The following ZNF148 variants were observed in gnomAD, a reference collection of about 807,000 sequenced individuals.
ZNF148 encodes the protein zinc finger protein 148.
A neutral mutation model predicts 67.7 loss-of-function variants in ZNF148; 7 were observed. That is an observed-to-expected ratio of 0.10 (90% confidence interval 0.06 to 0.19). The LOEUF (loss-of-function observed/expected upper bound fraction) is 0.19. Among genes scored for constraint, ZNF148 ranks in the 10% least tolerant of loss-of-function variants. The pLI is 1.00. For missense variants in ZNF148, 583 were observed against 947.1 expected, an observed-to-expected ratio of 0.62 and a Z score of 5.05; for synonymous variants, 333 against 330.7, an observed-to-expected ratio of 1.01 and a Z score of -0.08.
intron 4 of ZNF148, among the ~76,000 whole-genome samples, chr3:125,291,828 C>T (rs1939032217): frequency 6.6e-6 from 1 of 152,024 alleles, no homozygotes; most frequent in Admixed American, 6.6e-5. Context: ...GTAGTATACA[C>T]AGCCATATAA....
chr3:125,313,683 C>A, intron 3 of ZNF148, 27 bp from the exon 4 acceptor site: 1 of 1,548,868 alleles, frequency 6.5e-7, no homozygotes, highest in Admixed American at 1.9e-5. Flanking sequence ...GGCAACAAAA[C>A]ATAGTAAATT....
chr3:125,241,153 T>C (rs1479303852), intron 7 of ZNF148, among the ~76,000 whole-genome samples: 1 of 152,028 alleles, frequency 6.6e-6, no homozygotes, highest in Admixed American at 6.6e-5. Flanking sequence ...AGGATCCCTA[T>C]TTATGGATTA....
chr3:125,317,662 T>TATAGAGAGAG (rs752542874), intron 3 of ZNF148, among the ~76,000 whole-genome samples: 13 of 90,042 alleles, frequency 1.4e-4, no homozygotes, highest in African/African-American at 2.7e-4. Context: ...TATATATATA[T>TATAGAGAGAG]AGAGAGAGAG....
chr3:125,322,834 T>C (rs1431645976), intron 3 of ZNF148, among the ~76,000 whole-genome samples: 1 of 152,218 alleles, frequency 6.6e-6, no homozygotes, highest in Non-Finnish European at 1.5e-5. Context: ...TTCCTTATAT[T>C]AGTGCAGGCA....
chr3:125,373,298 C>G (rs930289927), intron 1 of ZNF148, among the ~76,000 whole-genome samples: 2 of 150,122 alleles, frequency 1.3e-5, no homozygotes, highest in African/African-American at 4.9e-5. Flanking sequence ...ACCATGTTGG[C>G]GAGGCTGATC....
At chr3:125,333,548 A>G (rs1482640793) in intron 1 of ZNF148, among the ~76,000 whole-genome samples, 1 of 152,180 alleles carries the variant, frequency 6.6e-6, no homozygotes, top group Non-Finnish European at 1.5e-5. Context: ...GGGGAAGAGA[A>G]CCTACTAAGA....
At chr3:125,342,704 AAC>A (rs994042858) in intron 1 of ZNF148, among the ~76,000 whole-genome samples, 3 of 152,226 alleles carry the variant, frequency 2.0e-5, no homozygotes, top group African/African-American at 7.2e-5. Flanking sequence ...TCAAAGAAGA[AAC>A]AACAGAAAGA....
chr3:125,285,790 A>T (rs1938624997), intron 5 of ZNF148, among the ~76,000 whole-genome samples: 1 of 152,150 alleles, frequency 6.6e-6, no homozygotes, highest in African/African-American at 2.4e-5. Flanking sequence ...ACATTCTCTT[A>T]TACGCACTAT....
chr3:125,334,762 A>T (rs756144855), intron 1 of ZNF148, among the ~76,000 whole-genome samples: 5 of 151,930 alleles, frequency 3.3e-5, no homozygotes, highest in Non-Finnish European at 7.4e-5. Flanking sequence ...CCTTACATGC[A>T]CTCCTGTGCT....
intron 7 of ZNF148, among the ~76,000 whole-genome samples, chr3:125,253,765 T>C (rs904581418): frequency 6.6e-6 from 1 of 152,212 alleles, no homozygotes; most frequent in Non-Finnish European, 1.5e-5. Flanking sequence ...ACTTGAAAAG[T>C]TGATGTTGTC....
intron 7 of ZNF148, among the ~76,000 whole-genome samples, chr3:125,254,590 C>T (rs535470656): frequency 6.6e-6 from 1 of 152,294 alleles, no homozygotes; most frequent in South Asian, 2.1e-4. Flanking sequence ...AACCCTTTAT[C>T]ATTATTAAAT....
At chr3:125,280,440 G>A (rs1938315449) in intron 5 of ZNF148, among the ~76,000 whole-genome samples, 1 of 152,092 alleles carries the variant, frequency 6.6e-6, no homozygotes, top group Non-Finnish European at 1.5e-5. Context: ...CCAGCACTTT[G>A]GGTGGCTGAG....
intron 2 of ZNF148, among the ~76,000 whole-genome samples, chr3:125,327,721 G>A (rs116831399): frequency 0.011 from 1,606 of 151,904 alleles, 26 homozygotes; most frequent in African/African-American, 0.036. Flanking sequence ...CTAAAAAACT[G>A]GGAAATCCAC....
intron 1 of ZNF148, among the ~76,000 whole-genome samples, chr3:125,331,741 T>C (rs544016770): frequency 2.6e-5 from 4 of 152,184 alleles, no homozygotes; most frequent in Non-Finnish European, 5.9e-5. Flanking sequence ...AAAAGGTATT[T>C]AATAATGCTA....
At chr3:125,337,407 C>T (rs1941543917) in intron 1 of ZNF148, among the ~76,000 whole-genome samples, 1 of 152,160 alleles carries the variant, frequency 6.6e-6, no homozygotes, top group Admixed American at 6.5e-5. Context: ...GAGGATGCTG[C>T]ACTAACAAGC....
At chr3:125,317,654 T>TAGAGAGAGAGAGAGAG (rs1159663164) in intron 3 of ZNF148, among the ~76,000 whole-genome samples, 1 of 6,302 alleles carries the variant, frequency 1.6e-4, no homozygotes, top group African/African-American at 7.5e-4. Flanking sequence ...TATATATATA[T>TAGAGAGAGAGAGAGAG]ATATATATAG....
At chr3:125,310,267 AT>A (rs1560160851) in intron 4 of ZNF148, among the ~76,000 whole-genome samples, 1 of 151,890 alleles carries the variant, frequency 6.6e-6, no homozygotes, top group African/African-American at 2.4e-5. Context: ...TTTAGTAGAG[AT>A]GGGGTTTTGT....
chr3:125,273,435 G>A (rs371773641), intron 7 of ZNF148, among the ~76,000 whole-genome samples: 10 of 151,752 alleles, frequency 6.6e-5, no homozygotes, highest in Admixed American at 2.0e-4. Flanking sequence ...AAGAAACCTA[G>A]TGAACATATA....
intron 7 of ZNF148, among the ~76,000 whole-genome samples, chr3:125,275,826 T>C (rs1054850112): frequency 6.6e-6 from 1 of 152,182 alleles, no homozygotes; most frequent in Non-Finnish European, 1.5e-5. Flanking sequence ...GAGTATTGTT[T>C]CAAAAATATT....
Sources: allele counts gnomAD v4.1 joint callset (sites outside exome capture counted in the v4.1 genomes callset), GRCh38; gene constraint gnomAD v4.1.1; transcripts MANE v1.5; gene names NCBI Gene and HGNC (gene_info 2026-07-23, HGNC 2026-07-21).